Variants in VWCE observed in about 807,000 individuals in gnomAD.
VWCE encodes von Willebrand factor C and EGF domain-containing protein.
Under a neutral mutation model 102.9 loss-of-function variants are expected in VWCE, and 68 were observed. The observed-to-expected ratio is 0.66, with a 90% CI of 0.54 to 0.81. The LOEUF is 0.81. Ranked by LOEUF, VWCE falls within the 30% of genes least tolerant of loss-of-function variation. The pLI is 0.00. For synonymous variants in VWCE, 497 were observed against 515.4 expected, an observed-to-expected ratio of 0.96 and a Z score of 0.48; for missense variants, 1,137 against 1,263.6, an observed-to-expected ratio of 0.90 and a Z score of 1.52.
chr11:61,260,112 G>A (rs920372153), intron 19 of VWCE, among the ~76,000 whole-genome samples: 23 of 152,208 alleles, frequency 1.5e-4, no homozygotes, highest in African/African-American at 3.1e-4. Context: ...AAACTTAACC[G>A]GACGTGGTGG....
intron 6 of VWCE, among the ~76,000 whole-genome samples, chr11:61,282,169 C>A (rs1253242328): frequency 6.6e-6 from 1 of 152,144 alleles, no homozygotes; most frequent in Admixed American, 6.5e-5. Flanking sequence ...CACTATGCAG[C>A]GGTAATTAAT....
intron 9 of VWCE, among the ~76,000 whole-genome samples, chr11:61,279,503 A>G (rs1043086318): frequency 1.7e-4 from 25 of 150,812 alleles, no homozygotes; most frequent in African/African-American, 6.1e-4. Context: ...CGGAGGCTGC[A>G]GTGAGCCGAG....
intron 14 of VWCE, 102 bp downstream of exon 14, chr11:61,271,573 C>T (rs914304329): frequency 2.6e-6 from 3 of 1,172,306 alleles, no homozygotes; most frequent in African/African-American, 3.1e-5. Context: ...GAGACTGCGG[C>T]CAGCCTGAGG....
At position 61,294,745 on chromosome 11, in the gene VWCE, G is replaced by A. The variant is rs1238722613; in HGVS notation, c.110+183C>T. Among the ~76,000 whole-genome samples, 1 of 152,148 alleles carries A rather than the reference G, an allele frequency of 6.6e-6. No individual in the cohort carries two copies. Among genetic ancestry groups the A allele is most frequent in the Admixed American group, 6.5e-5 (1 of 15,288 alleles). On this transcript the variant is annotated intron_variant, in intron 1 of 19. Coordinates refer to ENST00000335613, the MANE Select transcript of VWCE (RefSeq NM_152718.2). The surrounding 1 kb of genome is among the most constrained non-coding windows in gnomAD (Gnocchi z 6.3). ...AGCCAGGGGGGCACGATGAGCACCC[G>A]CCTAGAGGCACAAGTTGCTGACTCT...
At chr11:61,279,956 G>C (rs1217956589) in intron 9 of VWCE, among the ~76,000 whole-genome samples, 1 of 152,138 alleles carries the variant, frequency 6.6e-6, no homozygotes, top group Non-Finnish European at 1.5e-5. Context: ...CAAACTCCTG[G>C]GCTCAAGTGA....
In VWCE at chr11:61,265,111, G is replaced by C; in HGVS notation, c.2056+11C>G. ...GGGAACCTGGCACGTGGGGCAGCTGGTCCCACTCACCTCGGCACACGGGGC... is the reference window on the plus strand; with the variant it reads ...GGGAACCTGGCACGTGGGGCAGCTGCTCCCACTCACCTCGGCACACGGGGC... On this transcript the variant is annotated intron_variant, in intron 17 of 19. Transcript: ENST00000335613. The C allele has an allele frequency of 6.2e-7, 1 of 1,612,272 alleles. No individual in the cohort carries two copies. Among genetic ancestry groups the C allele is most frequent in the Non-Finnish European group, 8.5e-7 (1 of 1,179,032 alleles).
intron 11 of VWCE, 73 bp downstream of exon 11, chr11:61,276,520 G>C (rs886599074): frequency 8.5e-7 from 1 of 1,176,560 alleles, no homozygotes; most frequent in South Asian, 2.2e-5. Flanking sequence ...ACACCAGCCT[G>C]GGCAACATAG....
chr11:61,259,156 A>T lies in VWCE; in HGVS notation c.2387T>A (p.Leu796His), dbSNP rs747857301. ...TCTTAAAAGGAGCTGGAGGAGATGA[A>T]GCACCGGCCTCGAGGGTGATGCTGT... ...PPTASPSRPV[L>H]HLLQLLLRTN... is the part of the protein sequence containing the mutation. The change falls in exon 20 of 20, where the codon CTT becomes CAT. Residue 796 changes from leucine (L) to histidine (H), a missense_variant. By Grantham distance (99) the Leu-to-His change is moderately conservative (BLOSUM62 -3). Coordinates refer to ENST00000335613, the MANE Select transcript of VWCE (RefSeq NM_152718.2). 6.2e-7 allele frequency: 1 copy of T among 1,614,020 alleles called. No homozygotes were observed. The highest frequency in any genetic ancestry group is 1.3e-5 in the African/African-American group (1 of 74,914).
In VWCE at chr11:61,281,241, A is replaced by G. The variant is rs1403304366; in HGVS notation, c.788-6T>C. On this transcript the variant is annotated splice_region_variant and splice_polypyrimidine_tract_variant and intron_variant, in intron 7 of 19. Transcript: ENST00000335613. ...CAGCACGGCTTTCGGGAAAGCTGAA[A>G]CAGAAGCACGGAGGTCTCTTGGGGT... 1 of 1,612,044 alleles carries G rather than the reference A, an allele frequency of 6.2e-7. No homozygotes were observed. The highest frequency in any genetic ancestry group is 2.2e-5 in the East Asian group (1 of 44,844).
At chr11:61,269,132 A>G in intron 14 of VWCE, 114 bp from the exon 15 acceptor site, 1 of 934,790 alleles carries the variant, frequency 1.1e-6, no homozygotes, top group Non-Finnish European at 1.7e-6. Context: ...CCTGAAAGGC[A>G]ACATGACGCG....
At position 61,294,655 on chromosome 11, in the gene VWCE, G is replaced by A. The variant is rs2134870278; in HGVS notation, c.110+273C>T. ...CCCCTCTCCAGAGGTCCGCGCTCCA[G>A]GGCACATTAGGAGTCACCCAACGCC... On this transcript the variant is annotated intron_variant, in intron 1 of 19. Coordinates refer to ENST00000335613, the MANE Select transcript of VWCE (RefSeq NM_152718.2). This position sits in a 1 kb window ranked among gnomAD's most constrained non-coding sequence, Gnocchi z 6.3. Among the ~76,000 whole-genome samples, 1 of 152,250 alleles carries A rather than the reference G, an allele frequency of 6.6e-6. No homozygotes were observed. Among genetic ancestry groups the A allele is most frequent in the South Asian group, 2.1e-4 (1 of 4,828 alleles).
Position 61,292,682 on chromosome 11 carries a change from G to A in VWCE, c.111-1106C>T, listed in dbSNP as rs896996842. ...ACTGGTGCTGGGTGCTGAGTAAGGC[G>A]TGACCATACAGCCATAAACAAACTA... On this transcript the variant is annotated intron_variant, in intron 1 of 19. Transcript: ENST00000335613. 6.6e-5 allele frequency among the ~76,000 whole-genome samples: 10 copies of A among 152,174 alleles called. 1 individual carries two copies. The highest frequency in any genetic ancestry group is 1.3e-4 in the Admixed American group (2 of 15,268).
chr11:61,259,295 C>G lies in VWCE; in HGVS notation c.2248G>C (p.Glu750Gln). The change falls in exon 20 of 20, where the codon GAA (glutamate) becomes CAA (glutamine). Residue 750 changes from glutamate (E) to glutamine (Q), a missense_variant. By Grantham distance (29) the Glu-to-Gln change is conservative. Transcript: ENST00000335613. ...SSCPDSLSPL[E>Q]EKQGLSPHGN... ...TGAGGGGAGAGCCCCTGCTTTTCTT[C>G]CAGAGGAGACAGGGAATCTAGAGAG... is the stretch of plus-strand genomic sequence containing the variant. 1 of 1,585,450 alleles carries G rather than the reference C, an allele frequency of 6.3e-7. No homozygotes were observed. The highest frequency in any genetic ancestry group is 8.6e-7 in the Non-Finnish European group (1 of 1,164,858).
At position 61,286,193 on chromosome 11, in the gene VWCE, G is replaced by A. The variant is rs1025723166; in HGVS notation, c.541+121C>T. The A allele has an allele frequency of 2.1e-5, 20 of 960,536 alleles. 1 individual carries two copies. Among genetic ancestry groups the A allele is most frequent in the Non-Finnish European group, 3.1e-5 (19 of 613,832 alleles). The allele number at this position is 960,536 out of a possible 1,614,324, so 59.5% of individuals were successfully genotyped here. ...ATAATAGCATCTCCCTCCGAAGCCGGTGGTGAAGGTTCAATGCAGTGGCAC... is the reference window on the plus strand; with the variant it reads ...ATAATAGCATCTCCCTCCGAAGCCGATGGTGAAGGTTCAATGCAGTGGCAC... On this transcript the variant is annotated intron_variant, in intron 5 of 19. Transcript: ENST00000335613.
At chr11:61,292,408 A>G (rs1305956109) in intron 1 of VWCE, among the ~76,000 whole-genome samples, 9 of 152,082 alleles carry the variant, frequency 5.9e-5, no homozygotes, top group African/African-American at 2.2e-4. Context: ...TTATTAATTC[A>G]TTGTCTCCCC....
Position 61,294,962 on chromosome 11 carries a change from C to G in VWCE, c.76G>C (p.Gly26Arg), listed in dbSNP as rs1164332984. ...LPGAPARGYT[G>R]RKPPGHFAAE... is the part of the protein sequence containing the mutation. ...GCGAAGTGCCCGGGCGGCTTCCTCC[C>G]GGTGTAGCCTCGGGCTGGTGCCCCC... The change falls in exon 1 of 20, where the codon GGG (glycine) becomes CGG (arginine). Residue 26 changes from glycine (G) to arginine (R), a missense_variant. Gly to Arg is a moderately radical substitution (Grantham distance 125). Coordinates refer to ENST00000335613, the MANE Select transcript of VWCE (RefSeq NM_152718.2). This position sits in a 1 kb window ranked among gnomAD's most constrained non-coding sequence, Gnocchi z 6.3. The G allele has an allele frequency of 2.1e-6, 3 of 1,462,318 alleles. No individual in the cohort carries two copies. Among genetic ancestry groups the G allele is most frequent in the Non-Finnish European group, 2.7e-6 (3 of 1,106,544 alleles). 90.6% of individuals were successfully genotyped at this position (1,462,318 alleles called of 1,614,324 possible).
At position 61,264,946 on chromosome 11, in the gene VWCE, C is replaced by T. The variant is rs780092894; in HGVS notation, c.2139+10G>A. 7 of 1,613,098 alleles carry T rather than the reference C, an allele frequency of 4.3e-6. No individual in the cohort carries two copies. In the East Asian group the frequency reaches 8.9e-5, roughly 21 times the overall value. ...GCGGGGCCGCTCCTGGGTTCCCAGGCCCAGCTCACCTGGCACGTGCACCGG... is the reference window on the plus strand; with the variant it reads ...GCGGGGCCGCTCCTGGGTTCCCAGGTCCAGCTCACCTGGCACGTGCACCGG... On this transcript the variant is annotated intron_variant, in intron 18 of 19. Coordinates refer to ENST00000335613, the MANE Select transcript of VWCE (RefSeq NM_152718.2).
At chr11:61,284,965 A>G (rs1267638409) in intron 5 of VWCE, among the ~76,000 whole-genome samples, 2 of 151,718 alleles carry the variant, frequency 1.3e-5, no homozygotes, top group East Asian at 3.9e-4. Flanking sequence ...AAAAAAAAAG[A>G]AGAAGAAGAG....
At position 61,281,797 on chromosome 11, in the gene VWCE, A is replaced by G; in HGVS notation, c.776T>C (p.Val259Ala). ...GGCCTGGCGCTCACCTTCACAGGAC[A>G]CGCGGTCAGCTCGGAGCCTGAAGCC... ...RPGFRLRADR[V>A]SCEAFPKAVL... The change falls in exon 7 of 20, where the codon GTG becomes GCG. Residue 259 changes from valine (V) to alanine (A), a missense_variant. Physicochemically the swap from Val to Ala is moderately conservative, Grantham distance 64. Transcript: ENST00000335613. 1 of 1,612,968 alleles carries G rather than the reference A, an allele frequency of 6.2e-7. No individual in the cohort carries two copies. The highest frequency in any genetic ancestry group is 8.5e-7 in the Non-Finnish European group (1 of 1,179,472).
Sources: gnomAD v4.1 joint callset for allele counts (sites outside exome capture counted in the v4.1 genomes callset) on GRCh38, gnomAD v4.1.1 for gene constraint, Gnocchi (gnomAD v3.1) non-coding constraint, MANE v1.5 for transcripts, NCBI Gene and HGNC (gene_info 2026-07-23, HGNC 2026-07-21) for gene names.